The following DHX15 variants were observed in gnomAD, a reference collection of about 807,000 sequenced individuals.
The protein encoded by DHX15 is DEAH-box helicase 15, also known as ATP-dependent RNA helicase DHX15.
In DHX15, 11 loss-of-function variants were observed where a neutral mutation model predicts 94.4. The observed-to-expected ratio is 0.12, with a 90% CI of 0.07 to 0.19. The LOEUF (loss-of-function observed/expected upper bound fraction) is 0.19, where lower values mean the gene tolerates loss of function less well. Ranked by LOEUF, DHX15 falls within the 10% of genes least tolerant of loss-of-function variation. The probability of loss-of-function intolerance (pLI) is 1.00; values close to 1 mark genes in which losing one functional copy is unlikely to be tolerated. For synonymous variants in DHX15, 338 were observed against 329.9 expected (o/e 1.02, Z -0.27); for missense variants, 304 against 988.5 (o/e 0.31, Z 9.29).
intron 1 of DHX15, 124 bp downstream of exon 1, chr4:24,584,199 C>G: frequency 9.4e-7 from 1 of 1,060,442 alleles, no homozygotes; most frequent in Non-Finnish European, 1.4e-6. Context: ...GCTAGTGAAC[C>G]CAGCCCAGAG....
chr4:24,535,549 C>G (rs1389959510), intron 11 of DHX15, among the ~76,000 whole-genome samples: 1 of 152,160 alleles, frequency 6.6e-6, no homozygotes, highest in African/African-American at 2.4e-5. Flanking sequence ...AAACCATGTG[C>G]TGGTCTTCAG....
At chr4:24,533,705 T>C (rs1343474896) in intron 11 of DHX15, 4 of 152,618 alleles carry the variant, frequency 2.6e-5, no homozygotes, top group African/African-American at 9.6e-5. Context: ...AGCTTCCAAC[T>C]AGCCTAGTGT....
At chr4:24,550,305 CTTT>C in intron 5 of DHX15, among the ~76,000 whole-genome samples, 1 of 151,452 alleles carries the variant, frequency 6.6e-6, no homozygotes, top group East Asian at 1.9e-4. Flanking sequence ...AATGTATTTT[CTTT>C]TTTTTGATAT....
At chr4:24,538,751 CAAAT>C (rs960859247) in intron 10 of DHX15, 1 of 151,674 alleles carries the variant, frequency 6.6e-6, no homozygotes, top group Non-Finnish European at 1.5e-5. Flanking sequence ...TTTTTAATTA[CAAAT>C]AAAACTGAGA....
chr4:24,535,943 A>C (rs1248390226), intron 11 of DHX15, among the ~76,000 whole-genome samples: 1 of 152,214 alleles, frequency 6.6e-6, no homozygotes, highest in African/African-American at 2.4e-5. Context: ...TCATGAGAAG[A>C]AACTACAAAC....
At chr4:24,555,804 G>A (rs540291998) in intron 4 of DHX15, among the ~76,000 whole-genome samples, 9 of 152,254 alleles carry the variant, frequency 5.9e-5, no homozygotes, top group Admixed American at 6.5e-5. Context: ...AGTAATACAC[G>A]AGGGTAAGTG....
chr4:24,537,441 C>A lies in DHX15; in HGVS notation c.1787-268G>T. 3.6e-6 allele frequency: 1 copy of A among 281,526 alleles called. No individual in the cohort carries two copies. Among genetic ancestry groups the A allele is most frequent in the Non-Finnish European group, 6.6e-6 (1 of 150,950 alleles). 17.4% of individuals were successfully genotyped at this position (281,526 alleles called of 1,614,324 possible). A position where few individuals can be genotyped will look rare whatever the true frequency, so the allele number is the denominator to read the frequency against. ...GGCATCAAAACAGCTATTCTGAAGG[C>A]CATCAGGATACTAAAAAGCTCAACT... On this transcript the variant is annotated intron_variant, in intron 10 of 13. Transcript: ENST00000336812. The surrounding 1 kb of genome is among the most constrained non-coding windows in gnomAD (Gnocchi z 4.7).
chr4:24,575,504 T>C (rs1399722181), intron 2 of DHX15, among the ~76,000 whole-genome samples: 2 of 152,230 alleles, frequency 1.3e-5, no homozygotes, highest in East Asian at 1.9e-4. Flanking sequence ...ATTTTTCACC[T>C]ATTGGATTTG....
At chr4:24,552,918 C>T (rs1009634414) in intron 5 of DHX15, among the ~76,000 whole-genome samples, 1 of 152,226 alleles carries the variant, frequency 6.6e-6, no homozygotes, top group Non-Finnish European at 1.5e-5. Context: ...AAAGTTGTCT[C>T]AGAGAAAAAC....
At chr4:24,575,852 T>C (rs2109011415) in intron 2 of DHX15, among the ~76,000 whole-genome samples, 1 of 152,344 alleles carries the variant, frequency 6.6e-6, no homozygotes, top group Middle Eastern at 3.4e-3. Context: ...ATAGACTTTA[T>C]ATTACTTTGG....
intron 6 of DHX15, among the ~76,000 whole-genome samples, chr4:24,548,020 C>A (rs538884095): frequency 6.7e-6 from 1 of 148,866 alleles, no homozygotes; most frequent in African/African-American, 2.5e-5. Context: ...CTTCCCAGCC[C>A]CTCAACAAAG....
At chr4:24,533,211 C>T in intron 11 of DHX15, 157 bp from the exon 12 acceptor site, 1 of 680,420 alleles carries the variant, frequency 1.5e-6, no homozygotes, top group Non-Finnish European at 2.6e-6. Flanking sequence ...ATGTTACCAA[C>T]TTTCTCAAAG....
At chr4:24,540,086 T>A in intron 10 of DHX15, 22 bp downstream of exon 10, 1 of 1,459,936 alleles carries the variant, frequency 6.8e-7, no homozygotes, top group Non-Finnish European at 9.1e-7. Context: ...TGGGCTTTTT[T>A]TTGTTCCTTT....
chr4:24,548,233 C>T (rs1204706258), intron 6 of DHX15, among the ~76,000 whole-genome samples: 1 of 149,740 alleles, frequency 6.7e-6, no homozygotes. Context: ...ACCTCCGCCT[C>T]TAGGGTTCAA....
chr4:24,551,430 A>G (rs570525755), intron 5 of DHX15, among the ~76,000 whole-genome samples: 1 of 152,294 alleles, frequency 6.6e-6, no homozygotes, highest in Non-Finnish European at 1.5e-5. Context: ...TAAACACAGT[A>G]AGAACAAATA....
In DHX15 at chr4:24,584,420, T is replaced by C; in HGVS notation, c.-27A>G. 1 of 1,606,500 alleles carries C rather than the reference T, an allele frequency of 6.2e-7. No homozygotes were observed. The highest frequency in any genetic ancestry group is 8.5e-7 in the Non-Finnish European group (1 of 1,176,848). On this transcript the variant is annotated 5_prime_UTR_variant, in exon 1 of 14. Coordinates refer to ENST00000336812, the MANE Select transcript of DHX15 (RefSeq NM_001358.3). Reference sequence around the variant, plus strand: ...CTCGCACTCTTCGAACGGGCAGTTATTAAGGAAGAAAGCTGGCTGCTGTAT... The same window carrying C: ...CTCGCACTCTTCGAACGGGCAGTTACTAAGGAAGAAAGCTGGCTGCTGTAT...
intron 3 of DHX15, among the ~76,000 whole-genome samples, chr4:24,567,715 T>G (rs1722024188): frequency 6.6e-6 from 1 of 152,120 alleles, no homozygotes; most frequent in African/African-American, 2.4e-5. Context: ...TAGTCACAAA[T>G]ACAGCAATAT....
Position 24,576,236 on chromosome 4 carries a change from A to T in DHX15, c.507+7T>A. On this transcript the variant is annotated splice_region_variant and intron_variant, in intron 2 of 13. Coordinates refer to ENST00000336812, the MANE Select transcript of DHX15 (RefSeq NM_001358.3). ...TGAAATATGTACCATGGTATACAATAACTCACCTGTGTTGTTTTACCAGAC... is the reference window on the plus strand; with the variant it reads ...TGAAATATGTACCATGGTATACAATTACTCACCTGTGTTGTTTTACCAGAC... The T allele has an allele frequency of 2.5e-6, 4 of 1,607,200 alleles. No homozygotes were observed. In the Admixed American group the frequency reaches 6.7e-5, roughly 27 times the overall value.
intron 3 of DHX15, among the ~76,000 whole-genome samples, chr4:24,568,703 T>C (rs942290102): frequency 3.3e-5 from 5 of 152,186 alleles, no homozygotes; most frequent in African/African-American, 1.2e-4. Context: ...AAAAATTCAA[T>C]GCAATGTGAA....
Sources: gnomAD v4.1 joint callset for allele counts (sites outside exome capture counted in the v4.1 genomes callset) on GRCh38, gnomAD v4.1.1 for gene constraint, Gnocchi (gnomAD v3.1) non-coding constraint, MANE v1.5 for transcripts, NCBI Gene and HGNC (gene_info 2026-07-23, HGNC 2026-07-21) for gene names.